Variants in SGCZ observed in about 807,000 individuals in gnomAD.
SGCZ encodes the protein zeta-sarcoglycan.
SGCZ carries 40 observed loss-of-function variants against 41.3 expected under a neutral mutation model. That is an observed-to-expected ratio of 0.97 (90% CI 0.75 to 1.26). SGCZ has a LOEUF of 1.26. Ranked by LOEUF, SGCZ falls within the 50% of genes most tolerant of loss-of-function variation. The pLI, the probability that SGCZ is intolerant of heterozygous loss-of-function variation, is 0.00. For synonymous variants in SGCZ, 206 were observed against 137.5 expected (o/e 1.50, Z -3.49); for missense variants, 552 against 369.8 (o/e 1.49, Z -4.04).
intron 1 of SGCZ, among the ~76,000 whole-genome samples, chr8:14,584,292 A>C (rs1804989194): frequency 6.6e-6 from 1 of 152,138 alleles, no homozygotes; most frequent in Non-Finnish European, 1.5e-5. Context: ...TAACCCGAGA[A>C]AGTCATGAAA....
intron 1 of SGCZ, among the ~76,000 whole-genome samples, chr8:14,632,878 T>C (rs574756831): frequency 5.9e-5 from 9 of 152,060 alleles, no homozygotes; most frequent in Admixed American, 5.2e-4. Context: ...ATAAAATACA[T>C]CAATAAAGTT....
At chr8:14,259,791 C>T (rs1469172047) in intron 3 of SGCZ, among the ~76,000 whole-genome samples, 12 of 150,324 alleles carry the variant, frequency 8.0e-5, no homozygotes, top group African/African-American at 2.2e-4. Flanking sequence ...CTTGGCGATG[C>T]GGGCTCTTTT....
At chr8:14,289,087 T>C (rs1800750827) in intron 3 of SGCZ, among the ~76,000 whole-genome samples, 1 of 152,170 alleles carries the variant, frequency 6.6e-6, no homozygotes, top group African/African-American at 2.4e-5. Context: ...TGGATAAACG[T>C]GTATTCACGT....
intron 1 of SGCZ, among the ~76,000 whole-genome samples, chr8:14,912,201 C>A (rs2130778459): frequency 6.6e-6 from 1 of 152,054 alleles, no homozygotes; most frequent in Non-Finnish European, 1.5e-5. Flanking sequence ...TTTGGAAGTC[C>A]TTCTCAGAAG....
intron 1 of SGCZ, among the ~76,000 whole-genome samples, chr8:14,820,490 T>C (rs535614887): frequency 3.3e-5 from 5 of 152,116 alleles, no homozygotes; most frequent in African/African-American, 9.6e-5. Flanking sequence ...ATAAACCAAA[T>C]GGACTTAATG....
chr8:14,545,521 A>T (rs112008611), intron 2 of SGCZ, among the ~76,000 whole-genome samples: 3 of 152,066 alleles, frequency 2.0e-5, no homozygotes, highest in Admixed American at 1.3e-4. Flanking sequence ...TACTAAAAGC[A>T]TCATATTATT....
At chr8:14,543,514 C>G (rs922392645) in intron 2 of SGCZ, among the ~76,000 whole-genome samples, 6 of 152,092 alleles carry the variant, frequency 3.9e-5, no homozygotes, top group Non-Finnish European at 8.8e-5. Context: ...CCACAAGTCA[C>G]AAGGGCACAA....
intron 3 of SGCZ, among the ~76,000 whole-genome samples, chr8:14,277,625 G>C (rs113578381): frequency 2.6e-5 from 4 of 152,234 alleles, no homozygotes; most frequent in African/African-American, 7.2e-5. Flanking sequence ...AGCAACACAA[G>C]TATTGGGATA....
intron 1 of SGCZ, among the ~76,000 whole-genome samples, chr8:14,602,354 G>C (rs1284811546): frequency 1.3e-5 from 2 of 151,854 alleles, no homozygotes; most frequent in African/African-American, 4.8e-5. Context: ...ACCCAGGCAT[G>C]GTGGCTCGCA....
chr8:15,035,346 A>G (rs1395209646), intron 1 of SGCZ, among the ~76,000 whole-genome samples: 1 of 152,120 alleles, frequency 6.6e-6, no homozygotes, highest in Admixed American at 6.5e-5. Context: ...TCTACAGTTG[A>G]TGCACAAAAT....
At chr8:14,610,184 C>T (rs550642177) in intron 1 of SGCZ, among the ~76,000 whole-genome samples, 6 of 152,056 alleles carry the variant, frequency 3.9e-5, no homozygotes, top group Admixed American at 3.9e-4. Flanking sequence ...AATAAGTGGC[C>T]CCAACCTATA....
intron 4 of SGCZ, among the ~76,000 whole-genome samples, chr8:14,222,625 T>C (rs577030775): frequency 1.4e-3 from 218 of 152,162 alleles, no homozygotes; most frequent in African/African-American, 4.9e-3. Context: ...AGATTTTTTT[T>C]CCCATTATTT....
Position 14,441,262 on chromosome 8 carries a change from G to A in SGCZ, c.234+113470C>T, listed in dbSNP as rs184642394. On this transcript the variant is annotated intron_variant, in intron 2 of 7. Coordinates refer to ENST00000382080, the MANE Select transcript of SGCZ (RefSeq NM_139167.4). ...AGTTTCTACCTAATTTCCAGTTGTA[G>A]GTGCTGTCTCCTTCATTTAAAACAA... is the stretch of plus-strand genomic sequence containing the variant. Among the ~76,000 whole-genome samples, 129 of 152,186 alleles carry A rather than the reference G, an allele frequency of 8.5e-4. 1 individual carries two copies. In the Middle Eastern group the frequency reaches 0.021, roughly 24 times the overall value.
chr8:15,063,333 A>G (rs1374137758), intron 1 of SGCZ, among the ~76,000 whole-genome samples: 1 of 152,132 alleles, frequency 6.6e-6, no homozygotes, highest in Non-Finnish European at 1.5e-5. Context: ...GATTACTTAT[A>G]TTGTTCTTCT....
intron 1 of SGCZ, among the ~76,000 whole-genome samples, chr8:14,784,988 TTA>T (rs560307940): frequency 0.012 from 1,722 of 142,502 alleles, 23 homozygotes; most frequent in Middle Eastern, 0.029. Context: ...TTTTTATATA[TTA>T]TATATATATA....
At chr8:14,776,853 T>C (rs1800419575) in intron 1 of SGCZ, among the ~76,000 whole-genome samples, 1 of 152,214 alleles carries the variant, frequency 6.6e-6, no homozygotes, top group African/African-American at 2.4e-5. Context: ...CTCTTCATTG[T>C]GTTAAAATAC....
At chr8:14,280,681 TGTG>T (rs1158287394) in intron 3 of SGCZ, among the ~76,000 whole-genome samples, 5 of 151,896 alleles carry the variant, frequency 3.3e-5, no homozygotes, top group Non-Finnish European at 7.4e-5. Context: ...TTGCTTATCT[TGTG>T]GTGAGAAAAA....
chr8:14,681,449 A>T (rs1318890182), intron 1 of SGCZ, among the ~76,000 whole-genome samples: 4 of 152,222 alleles, frequency 2.6e-5, no homozygotes. Flanking sequence ...ATTATCATGT[A>T]TAGGTTAATT....
At chr8:15,044,845 G>A (rs1163424236) in intron 1 of SGCZ, among the ~76,000 whole-genome samples, 1 of 152,028 alleles carries the variant, frequency 6.6e-6, no homozygotes, top group Non-Finnish European at 1.5e-5. Context: ...GAGTAGTTTT[G>A]TGAAGGTAAT....
Sources: gnomAD v4.1 joint callset for allele counts (sites outside exome capture counted in the v4.1 genomes callset) on GRCh38, gnomAD v4.1.1 for gene constraint, MANE v1.5 for transcripts, NCBI Gene and HGNC (gene_info 2026-07-23, HGNC 2026-07-21) for gene names.